NDUFA9: variants seen among roughly 807,000 people sequenced by gnomAD.
NDUFA9 encodes NADH dehydrogenase [ubiquinone] 1 alpha subcomplex subunit 9, mitochondrial.
Under a neutral mutation model 45.9 loss-of-function variants are expected in NDUFA9, and 23 were observed. The ratio of observed to expected loss-of-function variants is 0.50; its 90% CI spans 0.36 to 0.71. The LOEUF is 0.71. NDUFA9 is among the 30% of genes least tolerant of loss of function. The pLI, the probability that NDUFA9 is intolerant of heterozygous loss-of-function variation, is 0.00. For synonymous variants in NDUFA9, 176 were observed against 170.5 expected (o/e 1.03, Z -0.25); for missense variants, 466 against 488.2 (o/e 0.95, Z 0.43).
At chr12:4,658,682 G>T (rs1945805453) in intron 4 of NDUFA9, among the ~76,000 whole-genome samples, 1 of 152,154 alleles carries the variant, frequency 6.6e-6, no homozygotes, top group Non-Finnish European at 1.5e-5. Flanking sequence ...TCCTTAAATT[G>T]TGTAGAGTAA....
chr12:4,682,944 T>A (rs960983201), intron 9 of NDUFA9, among the ~76,000 whole-genome samples: 11 of 152,132 alleles, frequency 7.2e-5, no homozygotes, highest in African/African-American at 9.7e-5. Context: ...CATCTGCCTG[T>A]AGTCCCACCT....
At chr12:4,674,110 G>C (rs1945904063) in intron 8 of NDUFA9, among the ~76,000 whole-genome samples, 1 of 152,144 alleles carries the variant, frequency 6.6e-6, no homozygotes, top group Non-Finnish European at 1.5e-5. Flanking sequence ...TTACAGACAA[G>C]CAAATGCTGA....
intron 9 of NDUFA9, among the ~76,000 whole-genome samples, chr12:4,683,216 GC>G (rs1438955907): frequency 6.6e-6 from 1 of 151,358 alleles, no homozygotes; most frequent in African/African-American, 2.4e-5. Context: ...AAAACCTACT[GC>G]CCTGAGGTAA....
intron 9 of NDUFA9, among the ~76,000 whole-genome samples, chr12:4,682,924 G>A (rs977701625): frequency 1.3e-5 from 2 of 152,252 alleles, no homozygotes; most frequent in African/African-American, 2.4e-5. Flanking sequence ...AAATTAGCTG[G>A]ATGTGGTGGC....
At chr12:4,686,677 G>A (rs1362450233) in intron 10 of NDUFA9, among the ~76,000 whole-genome samples, 1 of 152,048 alleles carries the variant, frequency 6.6e-6, no homozygotes, top group African/African-American at 2.4e-5. Flanking sequence ...CTCATGTAGT[G>A]CCAACATCCT....
rs939568121 is a variant in NDUFA9 at position 4,689,110 on chromosome 12, A to C, written c.*2002A>C. The C allele has an allele frequency of 6.6e-6, 1 of 152,214 alleles. No homozygotes were observed. The highest frequency in any genetic ancestry group is 1.5e-5 in the Non-Finnish European group (1 of 68,042). 9.4% of individuals were successfully genotyped at this position (152,214 alleles called of 1,614,324 possible). ...ATTTACCTTTATGCTAGTAACATTC[A>C]AATTACTCTCTTCTAGCTATTTTGA... is the stretch of plus-strand genomic sequence containing the variant. On this transcript the variant is annotated 3_prime_UTR_variant, in exon 11 of 11. Coordinates refer to ENST00000266544, the MANE Select transcript of NDUFA9 (RefSeq NM_005002.5).
rs369529412 is a variant in NDUFA9 at position 4,668,483 on chromosome 12, C to G, written c.682C>G (p.Leu228Val). 2 of 1,613,702 alleles carry G rather than the reference C, an allele frequency of 1.2e-6. No individual in the cohort carries two copies. The highest frequency in any genetic ancestry group is 1.7e-6 in the Non-Finnish European group (2 of 1,179,748). ...ASMHRFGPIP[L>V]GSLGWKTVKQ... Reference sequence around the variant, plus strand: ...TATGCATCGGTTTGGTCCTATACCCCTTGGTTCCTTGGGCTGGAAGACAGT... The same window carrying G: ...TATGCATCGGTTTGGTCCTATACCCGTTGGTTCCTTGGGCTGGAAGACAGT... The change falls in exon 7 of 11, where the codon CTT becomes GTT. Residue 228 changes from leucine to valine, a missense_variant. Transcript: ENST00000266544.
At chr12:4,662,492 T>A in intron 5 of NDUFA9, 41 bp from the exon 6 acceptor site, 1 of 1,475,208 alleles carries the variant, frequency 6.8e-7, no homozygotes, top group Non-Finnish European at 9.5e-7. Context: ...TTTATTCACT[T>A]GTCTCTAAAC....
intron 1 of NDUFA9, among the ~76,000 whole-genome samples, chr12:4,650,603 A>G (rs187012422): frequency 5.9e-5 from 9 of 152,342 alleles, no homozygotes; most frequent in African/African-American, 1.7e-4. Flanking sequence ...CATAATCCAC[A>G]CACTATAGGA....
chr12:4,669,550 G>A (rs1818209016), intron 7 of NDUFA9, among the ~76,000 whole-genome samples, 191 bp from the exon 8 acceptor site: 1 of 152,174 alleles, frequency 6.6e-6, no homozygotes, highest in Non-Finnish European at 1.5e-5. Context: ...ATTCTTTTAA[G>A]AAGCTTTCTG....
Position 4,692,075 on chromosome 12 carries a change from C to G in NDUFA9, c.*4967C>G, listed in dbSNP as rs1297856458. 2.6e-5 allele frequency: 4 copies of G among 152,082 alleles called. No individual in the cohort carries two copies. Among genetic ancestry groups the G allele is most frequent in the Admixed American group, 2.6e-4 (4 of 15,262 alleles). 9.4% of individuals were successfully genotyped at this position (152,082 alleles called of 1,614,324 possible). A position where few individuals can be genotyped will look rare whatever the true frequency, so the allele number is the denominator to read the frequency against. On this transcript the variant is annotated 3_prime_UTR_variant, in exon 11 of 11. Coordinates refer to ENST00000266544, the MANE Select transcript of NDUFA9 (RefSeq NM_005002.5). ...AGAGGCTGAGGGAAGATGTATGTCT[C>G]AAAGGGGAACTCAAATAATTTATAA...
At chr12:4,649,536 AGGCTAGT>A (rs1354843346) in intron 1 of NDUFA9, among the ~76,000 whole-genome samples, 2 of 152,166 alleles carry the variant, frequency 1.3e-5, no homozygotes, top group Non-Finnish European at 2.9e-5. Flanking sequence ...GAGGGAAAAA[AGGCTAGT>A]GGCGAGAGGT....
Position 4,669,724 on chromosome 12 carries a change from A to G in NDUFA9, c.724-17A>G, listed in dbSNP as rs773128018. On this transcript the variant is annotated splice_polypyrimidine_tract_variant and intron_variant, in intron 7 of 10. Coordinates refer to ENST00000266544, the MANE Select transcript of NDUFA9 (RefSeq NM_005002.5). ...TTTTTCAACAATTACTTAGACATAT[A>G]TTATAATTTCTTACAGGTCGTAGAT... 1.5e-5 allele frequency: 23 copies of G among 1,494,354 alleles called. No individual in the cohort carries two copies. In the South Asian group the frequency reaches 2.4e-4, roughly 16 times the overall value. The allele number at this position is 1,494,354 out of a possible 1,614,324, so 92.6% of individuals were successfully genotyped here.
chr12:4,664,288 T>C (rs904247307), intron 6 of NDUFA9, among the ~76,000 whole-genome samples: 6 of 152,196 alleles, frequency 3.9e-5, no homozygotes, highest in African/African-American at 1.2e-4. Flanking sequence ...CAAGCTATCT[T>C]GGCAGAAGCC....
At position 4,664,278 on chromosome 12, in the gene NDUFA9, C is replaced by G. The variant is rs1051597106; in HGVS notation, c.655+1643C>G. On this transcript the variant is annotated intron_variant, in intron 6 of 10. Coordinates refer to ENST00000266544, the MANE Select transcript of NDUFA9 (RefSeq NM_005002.5). ...ATTGTGGATGCGACTCACCAACTAA[C>G]AAGCTATCTTGGCAGAAGCCAGGAA... Among the ~76,000 whole-genome samples, 18 of 152,312 alleles carry G rather than the reference C, an allele frequency of 1.2e-4. No homozygotes were observed. The East Asian group carries it at 2.7e-3, about 23-fold the overall frequency.
intron 4 of NDUFA9, among the ~76,000 whole-genome samples, chr12:4,658,777 ACAGGGTTTTACTGTTTTGTG>A (rs1233354620): frequency 6.6e-6 from 1 of 152,126 alleles, no homozygotes; most frequent in Admixed American, 6.5e-5. Flanking sequence ...AGAAATAGAG[ACAGGGTTTTACTGTTTTGTG>A]CAGGCTGGTC....
At chr12:4,682,036 A>G (rs1268890137) in intron 8 of NDUFA9, among the ~76,000 whole-genome samples, 169 bp from the exon 9 acceptor site, 2 of 152,196 alleles carry the variant, frequency 1.3e-5, no homozygotes, top group Admixed American at 6.5e-5. Context: ...TAGATCAAAT[A>G]TATTAACTAT....
intron 8 of NDUFA9, among the ~76,000 whole-genome samples, chr12:4,674,612 A>G (rs373157457): frequency 6.6e-6 from 1 of 152,232 alleles, no homozygotes; most frequent in Non-Finnish European, 1.5e-5. Context: ...TGCAACAAGA[A>G]GAGCTAACTA....
chr12:4,650,514 G>A (rs1036217210), intron 1 of NDUFA9, among the ~76,000 whole-genome samples: 2 of 152,100 alleles, frequency 1.3e-5, no homozygotes, highest in African/African-American at 2.4e-5. Flanking sequence ...ACCATAGCTT[G>A]TGTTCTTAAC....
Sources: gnomAD v4.1 joint callset for allele counts (sites outside exome capture counted in the v4.1 genomes callset) on GRCh38, gnomAD v4.1.1 for gene constraint, MANE v1.5 for transcripts, NCBI Gene and HGNC (gene_info 2026-07-23, HGNC 2026-07-21) for gene names.